The following UQCC1 variants were observed in gnomAD, a reference collection of about 807,000 sequenced individuals.
UQCC1 encodes ubiquinol-cytochrome c reductase complex assembly factor 1, also known as bFGF-repressed Zic-binding protein.
UQCC1 carries 38 observed loss-of-function variants against 48.0 expected under a neutral mutation model. That is an observed-to-expected ratio of 0.79 (90% CI 0.61 to 1.04). UQCC1 has a LOEUF of 1.04. Ranked by LOEUF, UQCC1 falls within the 50% of genes least tolerant of loss-of-function variation. The pLI is 0.00. For missense variants in UQCC1, 368 were observed against 381.8 expected, an observed-to-expected ratio of 0.96 and a Z score of 0.30; for synonymous variants, 111 against 129.2, an observed-to-expected ratio of 0.86 and a Z score of 0.95.
intron 5 of UQCC1, among the ~76,000 whole-genome samples, chr20:35,371,168 T>C (rs1440410335): frequency 1.3e-5 from 2 of 152,160 alleles, no homozygotes; most frequent in African/African-American, 2.4e-5. Flanking sequence ...ACGTAAAAAG[T>C]CTTATTATTC....
Position 35,303,952 on chromosome 20 carries a change from T to C in UQCC1, c.883A>G (p.Asn295Asp), listed in dbSNP as rs757954463. 3 of 1,614,030 alleles carry C rather than the reference T, an allele frequency of 1.9e-6. No individual in the cohort carries two copies. Among genetic ancestry groups the C allele is most frequent in the African/African-American group, 1.3e-5 (1 of 74,918 alleles). ...CCAGCCCATCAAAGTCCCTCGTCGT[T>C]GTAAGTCGGAGAATGGGGCTTCAGG... ...SILKPHSPTY[N>D]DEGL The change falls in exon 10 of 10, where the codon AAC (asparagine) becomes GAC (aspartate). Residue 295 changes from asparagine to aspartate, a missense_variant. Asn to Asp is a conservative substitution (Grantham distance 23). Coordinates refer to ENST00000374385, the MANE Select transcript of UQCC1 (RefSeq NM_018244.5).
intron 5 of UQCC1, among the ~76,000 whole-genome samples, chr20:35,372,390 T>C (rs1447257416): frequency 6.6e-6 from 1 of 152,118 alleles, no homozygotes; most frequent in Non-Finnish European, 1.5e-5. Context: ...TTTTTCCTTT[T>C]GGACTAACTT....
rs192175939 is a variant in UQCC1, at chr20:35,364,445, C to T, written c.464+2112G>A. ...ACACAGAGTCTGTATCTGATTTGCC[C>T]AAAAGAAATTACCAGAAAAGAATGC... is the stretch of plus-strand genomic sequence containing the variant. On this transcript the variant is annotated intron_variant, in intron 6 of 9. Transcript: ENST00000374385. Among the ~76,000 whole-genome samples the T allele has an allele frequency of 2.6e-5, 4 of 152,234 alleles. No individual in the cohort carries two copies. In the East Asian group the frequency reaches 7.7e-4, roughly 29 times the overall value.
chr20:35,326,454 G>A (rs1409720246), intron 7 of UQCC1, among the ~76,000 whole-genome samples: 1 of 152,184 alleles, frequency 6.6e-6, no homozygotes, highest in Non-Finnish European at 1.5e-5. Context: ...TTGTGGTAAT[G>A]GAAAATCTTA....
At chr20:35,365,376 T>C (rs1455540053) in intron 6 of UQCC1, among the ~76,000 whole-genome samples, 1 of 152,118 alleles carries the variant, frequency 6.6e-6, no homozygotes, top group Non-Finnish European at 1.5e-5. Context: ...TAGCATAGGC[T>C]GGGCACGGTG....
chr20:35,378,758 T>C (rs1374478010), intron 4 of UQCC1, among the ~76,000 whole-genome samples: 1 of 152,246 alleles, frequency 6.6e-6, no homozygotes. Context: ...ACAAGACCAA[T>C]GACCTTGTAA....
Position 35,402,992 on chromosome 20 carries a change from G to A in UQCC1, c.25-8796C>T, listed in dbSNP as rs188694100. On this transcript the variant is annotated intron_variant, in intron 1 of 9. Transcript: ENST00000374385. ...TGAGGCAGGAGAATTGCTTGAACCC[G>A]GGAGGCGGAGGTTGCAGTGACCTGA... Among the ~76,000 whole-genome samples, 121 of 152,032 alleles carry A rather than the reference G, an allele frequency of 8.0e-4. 2 individuals carry two copies. The East Asian group carries it at 0.02, about 25-fold the overall frequency.
intron 2 of UQCC1, among the ~76,000 whole-genome samples, chr20:35,389,053 G>A (rs1461053923): frequency 7.9e-5 from 12 of 151,840 alleles, no homozygotes; most frequent in Admixed American, 7.9e-4. Flanking sequence ...GCAACAGAGT[G>A]AGACTCCATC....
At chr20:35,396,665 C>T (rs1348226193) in intron 1 of UQCC1, among the ~76,000 whole-genome samples, 1 of 152,136 alleles carries the variant, frequency 6.6e-6, no homozygotes, top group East Asian at 1.9e-4. Flanking sequence ...CAAGCTAAAA[C>T]TGAGATTCAC....
chr20:35,370,094 A>T (rs1178890789), intron 5 of UQCC1, among the ~76,000 whole-genome samples: 3 of 152,206 alleles, frequency 2.0e-5, no homozygotes, highest in African/African-American at 7.2e-5. Context: ...CATCCTCAAA[A>T]TATCTAAGAA....
intron 7 of UQCC1, among the ~76,000 whole-genome samples, chr20:35,340,506 TCA>T (rs1422691963): frequency 1.3e-5 from 2 of 152,188 alleles, no homozygotes; most frequent in Non-Finnish European, 2.9e-5. Context: ...TTAGTTACAC[TCA>T]CACTTTTTTC....
At chr20:35,361,096 T>C (rs574678411) in intron 6 of UQCC1, among the ~76,000 whole-genome samples, 1 of 152,212 alleles carries the variant, frequency 6.6e-6, no homozygotes, top group Admixed American at 6.5e-5. Context: ...TGGAACTACT[T>C]AACAGTCTTT....
intron 6 of UQCC1, among the ~76,000 whole-genome samples, chr20:35,365,280 T>C (rs1011295975): frequency 1.3e-5 from 2 of 152,212 alleles, no homozygotes; most frequent in Non-Finnish European, 2.9e-5. Context: ...CTCACTAGAC[T>C]GTGAGCTTCT....
intron 4 of UQCC1, among the ~76,000 whole-genome samples, chr20:35,378,333 G>C (rs2061826463): frequency 6.6e-6 from 1 of 152,146 alleles, no homozygotes; most frequent in African/African-American, 2.4e-5. Context: ...GTTTGAAAGG[G>C]CCTGGCAAGG....
chr20:35,358,356 C>CAAAAAAAAAAAAAAAAAAAAAAAAAAAA (rs1198006186), intron 6 of UQCC1, among the ~76,000 whole-genome samples: 1 of 49,390 alleles, frequency 2.0e-5, no homozygotes, highest in Non-Finnish European at 3.3e-5. Flanking sequence ...GACTCTGTCT[C>CAAAAAAAAAAAAAAAAAAAAAAAAAAAA]AAAAAAAAAA....
At chr20:35,382,935 T>C (rs2061894196) in intron 3 of UQCC1, among the ~76,000 whole-genome samples, 1 of 152,168 alleles carries the variant, frequency 6.6e-6, no homozygotes, top group South Asian at 2.1e-4. Context: ...TATTAACCCA[T>C]ATCTAGCAGA....
intron 7 of UQCC1, among the ~76,000 whole-genome samples, chr20:35,326,006 G>A (rs529362233): frequency 1.3e-5 from 2 of 152,280 alleles, no homozygotes; most frequent in African/African-American, 4.8e-5. Context: ...CAAGGAAGGG[G>A]TTTAAGCACA....
At chr20:35,399,423 A>G (rs1970905662) in intron 1 of UQCC1, among the ~76,000 whole-genome samples, 1 of 152,024 alleles carries the variant, frequency 6.6e-6, no homozygotes, top group African/African-American at 2.4e-5. Flanking sequence ...TGTGTTTTCC[A>G]CTCAACAGTT....
At chr20:35,330,263 A>G (rs1287269424) in intron 7 of UQCC1, among the ~76,000 whole-genome samples, 7 of 152,362 alleles carry the variant, frequency 4.6e-5, no homozygotes, top group South Asian at 4.1e-4. Flanking sequence ...AATCAAGAGA[A>G]GTGAGTTTTA....
Sources: allele counts gnomAD v4.1 joint callset (sites outside exome capture counted in the v4.1 genomes callset), GRCh38; gene constraint gnomAD v4.1.1; transcripts MANE v1.5; gene names NCBI Gene and HGNC (gene_info 2026-07-23, HGNC 2026-07-21).